Variants in RUNX1 observed in about 807,000 individuals in gnomAD.
The protein encoded by RUNX1 is RUNX family transcription factor 1.
In RUNX1, 19 loss-of-function variants were observed where a neutral mutation model predicts 42.8. That is an observed-to-expected ratio of 0.44 (90% CI 0.31 to 0.65). The LOEUF (loss-of-function observed/expected upper bound fraction) is 0.65. Among genes scored for constraint, RUNX1 ranks in the 30% least tolerant of loss-of-function variants. The probability of loss-of-function intolerance (pLI) is 0.07; values close to 1 mark genes in which losing one functional copy is unlikely to be tolerated. For synonymous variants in RUNX1, 271 were observed against 289.4 expected (o/e 0.94, Z 0.64); for missense variants, 528 against 672.0 (o/e 0.79, Z 2.37).
At chr21:34,970,700 T>G (rs149192925) in intron 2 of RUNX1, among the ~76,000 whole-genome samples, 18 of 152,330 alleles carry the variant, frequency 1.2e-4, no homozygotes, top group African/African-American at 4.3e-4. Context: ...ATCCCCACAC[T>G]AACCTTGTGA....
rs781093368 is a variant in RUNX1, at chr21:34,880,535, A to G, written c.508+22T>C. On this transcript the variant is annotated intron_variant, in intron 5 of 8. Coordinates refer to ENST00000675419, the MANE Select transcript of RUNX1 (RefSeq NM_001754.5). Reference sequence around the variant, plus strand: ...TGTTGCCATGAAACGTGTTTCAAGCATAGTTTTGACAGATAACGTACCTCT... The same window carrying G: ...TGTTGCCATGAAACGTGTTTCAAGCGTAGTTTTGACAGATAACGTACCTCT... 1.1e-5 allele frequency: 17 copies of G among 1,613,356 alleles called. No individual in the cohort carries two copies. In the East Asian group the frequency reaches 2.9e-4, roughly 27 times the overall value.
Position 34,834,568 on chromosome 21 carries a change from G to A in RUNX1, c.647C>T (p.Pro216Leu), listed in dbSNP as rs773743843. Residue 216 changes from proline (P) to leucine (L), a missense_variant, in exon 7 of 9, where the codon CCC becomes CTC. Around this residue, in one of 3 missense-constraint regions of RUNX1, gnomAD observed 331 missense variants for 382.5 expected, o/e 0.87. Coordinates refer to ENST00000675419, the MANE Select transcript of RUNX1 (RefSeq NM_001754.5). ...CCGCTCGGAAAAGGACAAGCTCCCG[G>A]GCTTGGTCTGATCATCTAGTTTCTG... ...HRQKLDDQTK[P>L]GSLSFSERLS... 4.3e-6 allele frequency: 7 copies of A among 1,612,372 alleles called. No homozygotes were observed. The highest frequency in any genetic ancestry group is 5.9e-6 in the Non-Finnish European group (7 of 1,179,950).
intron 2 of RUNX1, among the ~76,000 whole-genome samples, chr21:34,989,829 T>G (rs1469305481): frequency 6.6e-6 from 1 of 152,202 alleles, no homozygotes; most frequent in Non-Finnish European, 1.5e-5. Context: ...AATGCTTCAT[T>G]CCCTTCTGCA....
At chr21:34,937,866 T>C (rs1388393555) in intron 2 of RUNX1, among the ~76,000 whole-genome samples, 1 of 152,180 alleles carries the variant, frequency 6.6e-6, no homozygotes, top group African/African-American at 2.4e-5. Context: ...AAAATTGTTT[T>C]CTCTTTGACT....
At chr21:34,860,272 G>A (rs1383235752) in intron 5 of RUNX1, among the ~76,000 whole-genome samples, 1 of 152,148 alleles carries the variant, frequency 6.6e-6, no homozygotes, top group Non-Finnish European at 1.5e-5. Flanking sequence ...TTTATAAAAG[G>A]TGAGAAAATC....
intron 2 of RUNX1, among the ~76,000 whole-genome samples, chr21:34,905,260 C>T (rs1452233517): frequency 2.0e-5 from 3 of 152,234 alleles, no homozygotes; most frequent in Non-Finnish European, 2.9e-5. Context: ...CCTCACTAAT[C>T]TCGCTCACAA....
chr21:34,791,334 TATC>T lies in RUNX1; in HGVS notation c.*798_*800del, dbSNP rs1161806949. On this transcript the variant is annotated 3_prime_UTR_variant, in exon 9 of 9. Transcript: ENST00000675419. ...AAGTACATTTAAATAATTAAAAAAT[TATC>T]AACACATAAATGTCTGAACATCAAG... 4.3e-6 allele frequency: 1 copy of T among 231,676 alleles called. No homozygotes were observed. The highest frequency in any genetic ancestry group is 8.5e-6 in the Non-Finnish European group (1 of 116,986). 14.4% of individuals were successfully genotyped at this position (231,676 alleles called of 1,614,324 possible). A position where few individuals can be genotyped will look rare whatever the true frequency, so the allele number is the denominator to read the frequency against.
chr21:34,982,655 C>T (rs1004394519), intron 2 of RUNX1, among the ~76,000 whole-genome samples: 2 of 152,126 alleles, frequency 1.3e-5, no homozygotes, highest in Non-Finnish European at 2.9e-5. Context: ...TTGCAATCTC[C>T]GCCACCCGGG....
intron 6 of RUNX1, among the ~76,000 whole-genome samples, chr21:34,851,061 C>A (rs548030861): frequency 1.3e-5 from 2 of 152,320 alleles, no homozygotes; most frequent in East Asian, 3.9e-4. Flanking sequence ...GCTGCTCCCC[C>A]AGGAATCGGC....
intron 2 of RUNX1, among the ~76,000 whole-genome samples, chr21:35,023,518 G>C (rs2059214298): frequency 6.6e-6 from 1 of 152,202 alleles, no homozygotes; most frequent in Non-Finnish European, 1.5e-5. Context: ...GTGGATGACT[G>C]TCTCCTCCCT....
chr21:34,887,111 AT>A lies in RUNX1; in HGVS notation c.98-16del. The A allele has an allele frequency of 6.3e-7, 1 of 1,597,990 alleles. No homozygotes were observed. Among genetic ancestry groups the A allele is most frequent in the Non-Finnish European group, 8.5e-7 (1 of 1,179,842 alleles). On this transcript the variant is annotated splice_polypyrimidine_tract_variant and intron_variant, in intron 3 of 8. Transcript: ENST00000675419. ...CGTGCTGGCATCTACGGGGATACGCATCACAACAAGCCGATTGAGTTAGGAC... is the reference window on the plus strand; with the variant it reads ...CGTGCTGGCATCTACGGGGATACGCACACAACAAGCCGATTGAGTTAGGAC...
At chr21:34,947,934 C>T (rs542348907) in intron 2 of RUNX1, among the ~76,000 whole-genome samples, 2 of 152,246 alleles carry the variant, frequency 1.3e-5, no homozygotes, top group Admixed American at 6.5e-5. Context: ...TTCAGTCCTC[C>T]GAGGACATTT....
intron 2 of RUNX1, among the ~76,000 whole-genome samples, chr21:35,041,816 G>A (rs2059361732): frequency 6.6e-6 from 1 of 151,682 alleles, no homozygotes; most frequent in Non-Finnish European, 1.5e-5. Flanking sequence ...CCTAGATAGA[G>A]GGCAATTATC....
chr21:34,959,307 G>A (rs1026920974), intron 2 of RUNX1, among the ~76,000 whole-genome samples: 4 of 152,148 alleles, frequency 2.6e-5, no homozygotes, highest in African/African-American at 9.7e-5. Context: ...ACTTTCCTGG[G>A]AGAAGCTACC....
At chr21:35,033,122 C>CTCATTCAT (rs55861161) in intron 2 of RUNX1, among the ~76,000 whole-genome samples, 7 of 151,480 alleles carry the variant, frequency 4.6e-5, no homozygotes, top group African/African-American at 9.7e-5. Context: ...CATCTGCTGG[C>CTCATTCAT]TCATTCATTC....
intron 8 of RUNX1, among the ~76,000 whole-genome samples, chr21:34,798,536 G>T (rs1361716886): frequency 6.6e-6 from 1 of 152,052 alleles, no homozygotes; most frequent in African/African-American, 2.4e-5. Flanking sequence ...TGTCTAATTT[G>T]GGGTATACAG....
chr21:34,892,957 A>G lies in RUNX1; in HGVS notation c.65T>C (p.Ile22Thr), dbSNP rs749430925. 1 of 1,576,076 alleles carries G rather than the reference A, an allele frequency of 6.3e-7. No homozygotes were observed. The highest frequency in any genetic ancestry group is 8.7e-7 in the Non-Finnish European group (1 of 1,146,128). Residue 22 changes from isoleucine (I) to threonine (T), a missense_variant, in exon 3 of 9, where the codon ATA (isoleucine) becomes ACA (threonine). This residue lies in a region of RUNX1 where 114 missense variants were observed against 115.0 expected (regional missense o/e 0.99). Coordinates refer to ENST00000675419, the MANE Select transcript of RUNX1 (RefSeq NM_001754.5). ...GTCTCTAGAAGGATTCATTCCAAGTATGCATTCTGAAATAACAGAAAGTAG... is the reference window on the plus strand; with the variant it reads ...GTCTCTAGAAGGATTCATTCCAAGTGTGCATTCTGAAATAACAGAAAGTAG... ...SYPQCFMREC[I>T]LGMNPSRDVH...
intron 6 of RUNX1, among the ~76,000 whole-genome samples, chr21:34,849,309 A>AT: frequency 3.9e-5 from 2 of 50,914 alleles, no homozygotes; most frequent in African/African-American, 1.5e-4. Flanking sequence ...TATATAATAT[A>AT]TATTATATAT....
intron 2 of RUNX1, among the ~76,000 whole-genome samples, chr21:34,910,181 C>T (rs2058260757): frequency 6.6e-6 from 1 of 152,220 alleles, no homozygotes; most frequent in Admixed American, 6.5e-5. Context: ...GACTTTGCAG[C>T]TCACCCTTAG....
Sources: gnomAD v4.1 joint callset for allele counts (sites outside exome capture counted in the v4.1 genomes callset) on GRCh38, gnomAD v4.1.1 for gene constraint, gnomAD v4.1.1 regional missense constraint, MANE v1.5 for transcripts, NCBI Gene and HGNC (gene_info 2026-07-23, HGNC 2026-07-21) for gene names.